HSPA4L: variants seen among roughly 807,000 people sequenced by gnomAD.
HSPA4L encodes the protein heat shock protein family A (Hsp70) member 4 like, also known as heat shock 70 kDa protein 4L.
HSPA4L carries 48 observed loss-of-function variants against 100.3 expected under a neutral mutation model. The observed-to-expected ratio is 0.48, with a 90% confidence interval of 0.38 to 0.61. The LOEUF is 0.61. Among genes scored for constraint, HSPA4L ranks in the 20% least tolerant of loss-of-function variants. The pLI, the probability that HSPA4L is intolerant of heterozygous loss-of-function variation, is 0.00. For missense variants in HSPA4L, 886 were observed against 988.6 expected (o/e 0.90, Z 1.39); for synonymous variants, 319 against 328.2 (o/e 0.97, Z 0.30).
Position 127,836,991 on chromosome 4 carries a change from A to G in HSPA4L, c.*4117A>G, listed in dbSNP as rs1734226209. The G allele has an allele frequency of 6.6e-6, 1 of 151,690 alleles. No homozygotes were observed. The highest frequency in any genetic ancestry group is 1.5e-5 in the Non-Finnish European group (1 of 67,916). The allele number at this position is 151,690 out of a possible 1,614,324, so 9.4% of individuals were successfully genotyped here. ...AGTATGGCTTTGTTACCCAGGCTGG[A>G]TTGCAATGGGGTGATCTAGGCTCAC... On this transcript the variant is annotated 3_prime_UTR_variant, in exon 19 of 19. Transcript: ENST00000296464.
intron 17 of HSPA4L, among the ~76,000 whole-genome samples, chr4:127,829,393 T>G (rs1331204300): frequency 6.8e-6 from 1 of 147,110 alleles, no homozygotes; most frequent in Non-Finnish European, 1.5e-5. Context: ...AACATTTGGC[T>G]TTTTTTTTTA....
intron 12 of HSPA4L, among the ~76,000 whole-genome samples, chr4:127,814,406 CT>C (rs200783539): frequency 1.3e-5 from 2 of 151,336 alleles, no homozygotes; most frequent in East Asian, 3.9e-4. Flanking sequence ...TATGTATTAT[CT>C]TTTTTTTTAA....
chr4:127,825,429 C>G (rs1733924951), intron 16 of HSPA4L, among the ~76,000 whole-genome samples: 1 of 152,032 alleles, frequency 6.6e-6, no homozygotes, highest in South Asian at 2.1e-4. Context: ...CCCTTTACAA[C>G]TTGGGACAGG....
intron 2 of HSPA4L, among the ~76,000 whole-genome samples, chr4:127,795,503 G>A (rs913025087): frequency 2.0e-5 from 3 of 152,112 alleles, no homozygotes; most frequent in African/African-American, 7.2e-5. Flanking sequence ...CGTTTTAAAG[G>A]TTTATTCGTT....
At chr4:127,821,877 T>C (rs1733822022) in intron 14 of HSPA4L, among the ~76,000 whole-genome samples, 1 of 152,186 alleles carries the variant, frequency 6.6e-6, no homozygotes, top group South Asian at 2.1e-4. Flanking sequence ...TATCTCAAGA[T>C]AGTAAATAGG....
chr4:127,814,463 A>G (rs1432271117), intron 12 of HSPA4L, among the ~76,000 whole-genome samples: 1 of 151,916 alleles, frequency 6.6e-6, no homozygotes, highest in Admixed American at 6.6e-5. Context: ...TTAAATCCCT[A>G]CTACAGCTAA....
intron 12 of HSPA4L, among the ~76,000 whole-genome samples, chr4:127,816,777 A>C (rs1235155946): frequency 1.3e-5 from 2 of 152,246 alleles, no homozygotes. Context: ...TAAGTGATTC[A>C]GAAGAGTTGG....
intron 10 of HSPA4L, among the ~76,000 whole-genome samples, chr4:127,806,944 T>C (rs1381735347): frequency 6.6e-6 from 1 of 152,000 alleles, no homozygotes; most frequent in African/African-American, 2.4e-5. Context: ...AAATAATTTT[T>C]CACCTGTCTG....
chr4:127,826,057 T>C (rs777429292), intron 16 of HSPA4L, among the ~76,000 whole-genome samples: 1 of 152,014 alleles, frequency 6.6e-6, no homozygotes, highest in East Asian at 1.9e-4. Flanking sequence ...TAGAAATGAA[T>C]GTTAGAGAAG....
chr4:127,817,789 CATTTT>C (rs1411958395), intron 12 of HSPA4L, among the ~76,000 whole-genome samples: 3 of 151,894 alleles, frequency 2.0e-5, no homozygotes, highest in Non-Finnish European at 4.4e-5. Context: ...GTATCTTTTT[CATTTT>C]ATTTTCTTGT....
Position 127,835,754 on chromosome 4 carries a change from T to C in HSPA4L, c.*2880T>C, listed in dbSNP as rs1201091581. On this transcript the variant is annotated 3_prime_UTR_variant, in exon 19 of 19. Transcript: ENST00000296464. ...AAACTAGAAAGAGCACAGCAAAGAA[T>C]TTGGCTATTGAAATAACAGATAAAC... The C allele has an allele frequency of 6.6e-6, 1 of 150,536 alleles. No individual in the cohort carries two copies. The highest frequency in any genetic ancestry group is 2.4e-5 in the African/African-American group (1 of 40,898). The allele number at this position is 150,536 out of a possible 1,614,324, so 9.3% of individuals were successfully genotyped here.
At chr4:127,789,346 T>C (rs1042065543) in intron 1 of HSPA4L, among the ~76,000 whole-genome samples, 2 of 152,122 alleles carry the variant, frequency 1.3e-5, no homozygotes, top group Admixed American at 1.3e-4. Flanking sequence ...AGATTTAAAC[T>C]GCATTGAAAA....
At chr4:127,818,302 T>C (rs761082287) in intron 12 of HSPA4L, 23 bp from the exon 13 acceptor site, 1 of 1,514,490 alleles carries the variant, frequency 6.6e-7, no homozygotes, top group Non-Finnish European at 9.1e-7. Flanking sequence ...GCGTATATTA[T>C]CAATTATGTA....
Position 127,832,733 on chromosome 4 carries a change from A to T in HSPA4L, c.2379A>T (p.Ala793=). 1.2e-6 allele frequency: 2 copies of T among 1,613,454 alleles called. No homozygotes were observed. Among genetic ancestry groups the T allele is most frequent in the African/African-American group, 2.7e-5 (2 of 75,056 alleles). The part of the protein sequence containing the change: ...NPIIYKPKPK[A]EVPEDKPKAN... ...TCATTTACAAGCCCAAACCAAAAGC[A>T]GAAGTTCCTGAAGACAAACCAAAAG... is the stretch of plus-strand genomic sequence containing the variant. The change falls in exon 19 of 19, where the codon GCA becomes GCT. Residue 793 remains alanine, a synonymous_variant. Transcript: ENST00000296464.
intron 11 of HSPA4L, among the ~76,000 whole-genome samples, chr4:127,811,218 G>C (rs1733519622): frequency 2.0e-5 from 3 of 150,764 alleles, no homozygotes; most frequent in Non-Finnish European, 1.5e-5. Flanking sequence ...TTTTGAGCAG[G>C]TTACTTAAGC....
rs72681844 is a variant in HSPA4L, at chr4:127,801,499, G to A, written c.529+262G>A. Among the ~76,000 whole-genome samples the A allele has an allele frequency of 0.19, 24,494 of 130,936 alleles. 2,489 individuals are homozygous for A. The highest frequency in any genetic ancestry group is 0.32 in the East Asian group (1,524 of 4,734). The allele number at this position is 130,936 out of a possible 152,430, so 85.9% of individuals were successfully genotyped here. A position where few individuals can be genotyped will look rare whatever the true frequency, so the allele number is the denominator to read the frequency against. ...TGTGTGTGTGTGTGTGTGTGTGTGT[G>A]TGTATGTACTGATTCTTATAAGCTT... On this transcript the variant is annotated intron_variant, in intron 5 of 18. Transcript: ENST00000296464.
intron 4 of HSPA4L, 64 bp from the exon 5 acceptor site, chr4:127,801,069 AATTAT>A (rs1733161163): frequency 1.8e-6 from 2 of 1,120,384 alleles, no homozygotes; most frequent in Non-Finnish European, 2.6e-6. Flanking sequence ...GTTTTAGGGT[AATTAT>A]ATTTTTCAGT....
In HSPA4L at chr4:127,803,340, G is replaced by T. The variant is rs1733247508; in HGVS notation, c.664-289G>T. ...GTTCAGTGCTGTTGTAGAACCAAGT[G>T]ACTGAGATAATGAGGCTTTAGTTGT... On this transcript the variant is annotated intron_variant, in intron 6 of 18. Transcript: ENST00000296464. 3.8e-5 allele frequency among the ~76,000 whole-genome samples: 5 copies of T among 131,246 alleles called. No individual in the cohort carries two copies. In the Admixed American group the frequency reaches 4.2e-4, roughly 11 times the overall value. 86.1% of individuals were successfully genotyped at this position (131,246 alleles called of 152,430 possible). A position where few individuals can be genotyped will look rare whatever the true frequency, so the allele number is the denominator to read the frequency against.
At chr4:127,812,770 T>C (rs1733572293) in intron 12 of HSPA4L, 5 of 1,450,710 alleles carry the variant, frequency 3.4e-6, no homozygotes, top group Admixed American at 3.4e-5. Flanking sequence ...CTCCTTCCCA[T>C]TGGTTCTCAC....
Sources: gnomAD v4.1 joint callset for allele counts (sites outside exome capture counted in the v4.1 genomes callset) on GRCh38, gnomAD v4.1.1 for gene constraint, MANE v1.5 for transcripts, NCBI Gene and HGNC (gene_info 2026-07-23, HGNC 2026-07-21) for gene names.